The following GABRG3 variants were observed in gnomAD, a reference collection of about 807,000 sequenced individuals.
GABRG3 encodes gamma-aminobutyric acid receptor subunit gamma-3.
GABRG3 carries 25 observed loss-of-function variants against 48.8 expected under a neutral mutation model. That is an observed-to-expected ratio of 0.51 (90% confidence interval 0.37 to 0.72). The LOEUF (loss-of-function observed/expected upper bound fraction) is 0.72. Among genes scored for constraint, GABRG3 ranks in the 30% least tolerant of loss-of-function variants. GABRG3 has a pLI of 0.00. For missense variants in GABRG3, 394 were observed against 577.9 expected (o/e 0.68, Z 3.26); for synonymous variants, 227 against 217.6 (o/e 1.04, Z -0.38).
chr15:27,156,835 TG>T (rs1447307226), intron 3 of GABRG3, among the ~76,000 whole-genome samples: 2 of 152,246 alleles, frequency 1.3e-5, no homozygotes, highest in Admixed American at 1.3e-4. Context: ...TAGAATTCGA[TG>T]GTGTGGAGTG....
chr15:27,373,899 C>T (rs746624948), intron 5 of GABRG3, among the ~76,000 whole-genome samples: 3 of 152,026 alleles, frequency 2.0e-5, no homozygotes, highest in East Asian at 1.9e-4. Flanking sequence ...AACACTATTA[C>T]GTGTTGGCCA....
At chr15:27,200,040 C>T (rs1888629909) in intron 3 of GABRG3, among the ~76,000 whole-genome samples, 1 of 149,310 alleles carries the variant, frequency 6.7e-6, no homozygotes, top group Non-Finnish European at 1.5e-5. Flanking sequence ...TTTCTCCCTC[C>T]CTTTCTCTCT....
rs185357888 is a variant in GABRG3, at chr15:27,335,671, G to C, written c.574+6783G>C. Among the ~76,000 whole-genome samples, 508 of 152,194 alleles carry C rather than the reference G, an allele frequency of 3.3e-3. 2 individuals carry two copies. The highest frequency in any genetic ancestry group is 0.012 in the African/African-American group (481 of 41,508). On this transcript the variant is annotated intron_variant, in intron 5 of 9. Coordinates refer to ENST00000615808, the MANE Select transcript of GABRG3 (RefSeq NM_033223.5). ...AGCAGAGTGGAGGGGACCAGGGAGT[G>C]GGGGGAGGAGAGAACGAGGGGAGCA...
At chr15:27,243,758 A>G (rs1890195182) in intron 3 of GABRG3, among the ~76,000 whole-genome samples, 1 of 152,184 alleles carries the variant, frequency 6.6e-6, no homozygotes, top group Non-Finnish European at 1.5e-5. Context: ...AATACTAATA[A>G]GGTTTAAAGG....
At chr15:27,190,339 G>A (rs1018083334) in intron 3 of GABRG3, among the ~76,000 whole-genome samples, 16 of 152,180 alleles carry the variant, frequency 1.1e-4, no homozygotes, top group African/African-American at 3.9e-4. Flanking sequence ...GAATTCGGCT[G>A]TGAATCCATC....
chr15:27,353,574 GCTGAGAC>G (rs1219230540), intron 5 of GABRG3, among the ~76,000 whole-genome samples: 1 of 151,964 alleles, frequency 6.6e-6, no homozygotes, highest in African/African-American at 2.4e-5. Context: ...CTCCCGAGTA[GCTGAGAC>G]TACAGGTGTG....
intron 6 of GABRG3, among the ~76,000 whole-genome samples, chr15:27,518,414 C>G (rs1891080945): frequency 6.7e-6 from 1 of 149,074 alleles, no homozygotes; most frequent in Non-Finnish European, 1.5e-5. Context: ...TTTCATTCAG[C>G]AAATATTAAT....
intron 3 of GABRG3, among the ~76,000 whole-genome samples, chr15:27,206,437 T>G (rs1051652947): frequency 6.6e-6 from 1 of 152,214 alleles, no homozygotes; most frequent in Non-Finnish European, 1.5e-5. Context: ...TGATTTCGTT[T>G]TTTGGAATTT....
rs572598183 is a variant in GABRG3 at position 27,396,282 on chromosome 15, T to C, written c.574+67394T>C. ...TTGAACAGAGCTTGTATCCAGAGTA[T>C]GTAAGGAACACTCAAAAGTCAGCAA... On this transcript the variant is annotated intron_variant, in intron 5 of 9. Transcript: ENST00000615808. 1.4e-4 allele frequency among the ~76,000 whole-genome samples: 22 copies of C among 152,266 alleles called. No individual in the cohort carries two copies. The South Asian group carries it at 4.1e-3, about 29-fold the overall frequency.
At chr15:27,390,536 G>A (rs1566819821) in intron 5 of GABRG3, among the ~76,000 whole-genome samples, 2 of 152,170 alleles carry the variant, frequency 1.3e-5, no homozygotes, top group Admixed American at 6.5e-5. Flanking sequence ...CAGGGCTCAT[G>A]GACCATGGGA....
intron 3 of GABRG3, among the ~76,000 whole-genome samples, chr15:27,316,961 T>C (rs1893252568): frequency 6.6e-6 from 1 of 152,198 alleles, no homozygotes. Context: ...CGAAGTACTG[T>C]CTATTGTTTA....
chr15:27,297,138 G>GAAAT (rs1412134207), intron 3 of GABRG3, among the ~76,000 whole-genome samples: 1 of 152,036 alleles, frequency 6.6e-6, no homozygotes, highest in East Asian at 1.9e-4. Flanking sequence ...AGGATGTAGA[G>GAAAT]AAATAAATCG....
chr15:27,462,789 A>G (rs1566851922), intron 5 of GABRG3, among the ~76,000 whole-genome samples: 1 of 152,358 alleles, frequency 6.6e-6, no homozygotes, highest in East Asian at 1.9e-4. Flanking sequence ...CTGGCATACT[A>G]TAATTCCAGA....
rs188923074 is a variant in GABRG3 at position 27,353,380 on chromosome 15, C to T, written c.574+24492C>T. Among the ~76,000 whole-genome samples, 113 of 152,180 alleles carry T rather than the reference C, an allele frequency of 7.4e-4. 1 individual carries two copies. The highest frequency in any genetic ancestry group is 1.2e-3 in the Non-Finnish European group (79 of 68,014). Reference sequence around the variant, plus strand: ...CCCTGCAGCAGCTCTTCTCTTACACCGGTGAAATCCTCTTCCCATAGATGT... The same window carrying T: ...CCCTGCAGCAGCTCTTCTCTTACACTGGTGAAATCCTCTTCCCATAGATGT... On this transcript the variant is annotated intron_variant, in intron 5 of 9. Transcript: ENST00000615808.
chr15:27,049,290 G>C (rs1434577030), intron 3 of GABRG3, among the ~76,000 whole-genome samples: 1 of 152,218 alleles, frequency 6.6e-6, no homozygotes, highest in Non-Finnish European at 1.5e-5. Context: ...ATGCTTTCGC[G>C]TTACATGGGT....
intron 5 of GABRG3, among the ~76,000 whole-genome samples, chr15:27,472,404 T>C (rs1224916451): frequency 6.6e-6 from 1 of 152,064 alleles, no homozygotes; most frequent in Non-Finnish European, 1.5e-5. Context: ...ACCTCCTGAG[T>C]AGCTGGAACT....
chr15:27,252,464 C>G (rs1358852027), intron 3 of GABRG3, among the ~76,000 whole-genome samples: 3 of 152,210 alleles, frequency 2.0e-5, no homozygotes, highest in Admixed American at 6.5e-5. Context: ...CAAGGCTCAG[C>G]ATAGAGGAGA....
Position 27,179,125 on chromosome 15 carries a change from CAAAG to C in GABRG3, c.271-147680_271-147677del, listed in dbSNP as rs1188679089. On this transcript the variant is annotated intron_variant, in intron 3 of 9. Coordinates refer to ENST00000615808, the MANE Select transcript of GABRG3 (RefSeq NM_033223.5). The surrounding 1 kb of genome is among the most constrained non-coding windows in gnomAD (Gnocchi z 4.0). ...TTCTATCCCCAATAAAACAAATAAACAAAGAAAACTCATGGAAGCTTACAAGTCA... is the reference window on the plus strand; with the variant it reads ...TTCTATCCCCAATAAAACAAATAAACAAAACTCATGGAAGCTTACAAGTCA... Among the ~76,000 whole-genome samples the C allele has an allele frequency of 6.6e-6, 1 of 152,108 alleles. No homozygotes were observed. The highest frequency in any genetic ancestry group is 1.9e-4 in the East Asian group (1 of 5,182).
intron 3 of GABRG3, among the ~76,000 whole-genome samples, chr15:27,216,777 A>ATTTTTT (rs1441536732): frequency 5.2e-4 from 31 of 59,900 alleles, no homozygotes; most frequent in Admixed American, 1.6e-3. Context: ...TTTATTTTTT[A>ATTTTTT]ATTTTTTTTT....
Sources: allele counts gnomAD v4.1 joint callset (sites outside exome capture counted in the v4.1 genomes callset), GRCh38; gene constraint gnomAD v4.1.1; non-coding constraint Gnocchi (gnomAD v3.1); transcripts MANE v1.5; gene names NCBI Gene and HGNC (gene_info 2026-07-23, HGNC 2026-07-21).